CRYBG1: variants seen among roughly 807,000 people sequenced by gnomAD.
CRYBG1 encodes the protein crystallin beta-gamma domain containing 1.
CRYBG1 carries 139 observed loss-of-function variants against 189.2 expected under a neutral mutation model. That is an observed-to-expected ratio of 0.73 (90% confidence interval 0.64 to 0.85). The LOEUF is 0.85. Among genes scored for constraint, CRYBG1 ranks in the 40% least tolerant of loss-of-function variants. The pLI is 0.00. For missense variants in CRYBG1, 2,611 were observed against 2,675.8 expected (o/e 0.98, Z 0.53); for synonymous variants, 1,023 against 1,017.1 (o/e 1.01, Z -0.11).
chr6:106,515,360 G>A (rs958360165), intron 3 of CRYBG1, among the ~76,000 whole-genome samples: 1 of 152,162 alleles, frequency 6.6e-6, no homozygotes, highest in Non-Finnish European at 1.5e-5. Context: ...CAGAAAGTTT[G>A]GTTGTAAAAT....
At chr6:106,455,990 T>C (rs1771880862) in intron 2 of CRYBG1, among the ~76,000 whole-genome samples, 1 of 152,084 alleles carries the variant, frequency 6.6e-6, no homozygotes, top group African/African-American at 2.4e-5. Flanking sequence ...GTCTGAATCT[T>C]AGTTCTTGGT....
chr6:106,431,864 C>T (rs926121141), intron 1 of CRYBG1, among the ~76,000 whole-genome samples: 1 of 152,058 alleles, frequency 6.6e-6, no homozygotes, highest in Non-Finnish European at 1.5e-5. Flanking sequence ...TATGGGCCCA[C>T]TCTAGCTTCA....
intron 2 of CRYBG1, among the ~76,000 whole-genome samples, chr6:106,505,622 G>T (rs558171795): frequency 2.0e-5 from 3 of 151,916 alleles, no homozygotes; most frequent in Non-Finnish European, 4.4e-5. Context: ...AGTCTTTCTT[G>T]CTTCTATTGA....
Position 106,521,083 on chromosome 6 carries a change from C to T in CRYBG1, c.3875C>T (p.Pro1292Leu), listed in dbSNP as rs202235693. ...SVSQPTTEGAPPCGLNKEQSN... is the reference protein window; with the variant it reads ...SVSQPTTEGALPCGLNKEQSN... The stretch of plus-strand genomic sequence containing the variant: ...TCACAGCCCACGACTGAGGGTGCCC[C>T]GCCCTGTGGTTTGAACAAAGAACAG... Residue 1292 changes from proline (P) to leucine (L), a missense_variant, in exon 4 of 22, where the codon CCG becomes CTG. Around this residue, in one of 3 missense-constraint regions of CRYBG1, gnomAD observed 1,622 missense variants for 1,735.0 expected, o/e 0.93. Transcript: ENST00000633556. 17 of 1,614,052 alleles carry T rather than the reference C, an allele frequency of 1.1e-5. No individual in the cohort carries two copies. The highest frequency in any genetic ancestry group is 8.0e-5 in the African/African-American group (6 of 74,926).
intron 2 of CRYBG1, among the ~76,000 whole-genome samples, chr6:106,504,952 A>G (rs1423422872): frequency 1.3e-5 from 2 of 152,170 alleles, no homozygotes; most frequent in East Asian, 3.9e-4. Flanking sequence ...AGTTATTAAA[A>G]AAAAAAAAGA....
intron 2 of CRYBG1, among the ~76,000 whole-genome samples, chr6:106,478,003 G>A (rs968938217): frequency 1.3e-5 from 2 of 152,250 alleles, no homozygotes; most frequent in Non-Finnish European, 2.9e-5. Flanking sequence ...GGAGGGCACG[G>A]CTGTTGTTCT....
chr6:106,560,637 C>T (rs1774690145), intron 18 of CRYBG1, among the ~76,000 whole-genome samples, 166 bp from the exon 19 acceptor site: 1 of 152,264 alleles, frequency 6.6e-6, no homozygotes, highest in Admixed American at 6.5e-5. Context: ...TGCTATTTGT[C>T]AAGAAATTAC....
At chr6:106,446,580 A>T (rs1313935315) in intron 1 of CRYBG1, among the ~76,000 whole-genome samples, 1 of 116,300 alleles carries the variant, frequency 8.6e-6, no homozygotes, top group East Asian at 2.4e-4. Flanking sequence ...AAGAATTATT[A>T]AAAAACTTAT....
chr6:106,467,159 C>T (rs996012284), intron 2 of CRYBG1, among the ~76,000 whole-genome samples: 4 of 152,082 alleles, frequency 2.6e-5, no homozygotes. Context: ...AAATGGTGTT[C>T]CTGGTAACAG....
rs143909846 is a variant in CRYBG1, at chr6:106,368,088, T to C, written c.173+7007T>C. Among the ~76,000 whole-genome samples the C allele has an allele frequency of 9.5e-4, 144 of 152,066 alleles. 1 individual carries two copies. The East Asian group carries it at 0.027, about 28-fold the overall frequency. Reference sequence around the variant, plus strand: ...AATAGTTTCTAATTCCTAATAGTCATTCAAAATACATATCTTACTATGAAC... The same window carrying C: ...AATAGTTTCTAATTCCTAATAGTCACTCAAAATACATATCTTACTATGAAC... On this transcript the variant is annotated intron_variant, in intron 1 of 21. Transcript: ENST00000633556.
intron 8 of CRYBG1, among the ~76,000 whole-genome samples, chr6:106,532,206 A>G (rs566604750): frequency 4.5e-4 from 69 of 152,324 alleles, no homozygotes; most frequent in African/African-American, 1.5e-3. Context: ...TTTGAAATAT[A>G]AAATATATTA....
chr6:106,476,500 C>T (rs1772336825), intron 2 of CRYBG1, among the ~76,000 whole-genome samples: 1 of 152,200 alleles, frequency 6.6e-6, no homozygotes, highest in East Asian at 1.9e-4. Context: ...TTGACTCATA[C>T]TCTTTGGTTA....
At position 106,512,061 on chromosome 6, in the gene CRYBG1, G is replaced by C. The variant is rs783420; in HGVS notation, c.944G>C (p.Gly315Ala). 0.082 allele frequency: 126,448 copies of C among 1,533,502 alleles called. 7,929 individuals carry two copies. Among genetic ancestry groups the C allele is most frequent in the African/African-American group, 0.32 (23,648 of 72,984 alleles). 95.0% of individuals were successfully genotyped at this position (1,533,502 alleles called of 1,614,324 possible). A position where few individuals can be genotyped will look rare whatever the true frequency, so the allele number is the denominator to read the frequency against. ...GGAGGACTAGGCGAGGCCCCTAACG[G>C]AGCCCCCAGTGTGTGTGCCGAAGAA... ...PAGGLGEAPN[G>A]APSVCAEEGS... Residue 315 changes from glycine to alanine, a missense_variant, in exon 3 of 22, where the codon GGA becomes GCA. Physicochemically the swap from Gly to Ala is moderately conservative, Grantham distance 60. Around this residue, in one of 3 missense-constraint regions of CRYBG1, gnomAD observed 985 missense variants for 924.4 expected, o/e 1.07. Coordinates refer to ENST00000633556, the MANE Select transcript of CRYBG1 (RefSeq NM_001371242.2).
intron 2 of CRYBG1, among the ~76,000 whole-genome samples, chr6:106,484,510 G>C (rs1347430962): frequency 6.6e-6 from 1 of 152,070 alleles, no homozygotes; most frequent in Non-Finnish European, 1.5e-5. Context: ...TGTAGAGACA[G>C]GGTCTTGCCA....
chr6:106,444,958 A>AC (rs1771636948), intron 1 of CRYBG1, among the ~76,000 whole-genome samples: 1 of 151,408 alleles, frequency 6.6e-6, no homozygotes, highest in Non-Finnish European at 1.5e-5. Flanking sequence ...ACATAGTGAG[A>AC]CCCCGTCTTT....
intron 1 of CRYBG1, among the ~76,000 whole-genome samples, chr6:106,444,456 G>C (rs529127119): frequency 6.6e-6 from 1 of 152,294 alleles, no homozygotes; most frequent in South Asian, 2.1e-4. Flanking sequence ...CTGGGGATTT[G>C]CACAATTCTC....
chr6:106,362,093 C>T (rs1265864939), intron 1 of CRYBG1, among the ~76,000 whole-genome samples: 1 of 150,338 alleles, frequency 6.7e-6, no homozygotes, highest in African/African-American at 2.5e-5. Context: ...GCCTCAGCCC[C>T]CGAGTAGCTG....
intron 2 of CRYBG1, 41 bp from the exon 3 acceptor site, chr6:106,511,389 A>G (rs1248449823): frequency 6.8e-7 from 1 of 1,469,112 alleles, no homozygotes; most frequent in Non-Finnish European, 9.0e-7. Context: ...GAAAAACACC[A>G]GATTCTCATA....
In CRYBG1 at chr6:106,537,000, C is replaced by A. The variant is rs142949603; in HGVS notation, c.4719-2403C>A. Among the ~76,000 whole-genome samples, 3 of 152,360 alleles carry A rather than the reference C, an allele frequency of 2.0e-5. No individual in the cohort carries two copies. The East Asian group carries it at 5.8e-4, about 29-fold the overall frequency. ...ATAAATGTCTGTTTGAATTACCCAG[C>A]AGGCCTTCAGCACTCATTTACTAAG... On this transcript the variant is annotated intron_variant, in intron 8 of 21. Coordinates refer to ENST00000633556, the MANE Select transcript of CRYBG1 (RefSeq NM_001371242.2).
Sources: gnomAD v4.1 joint callset for allele counts (sites outside exome capture counted in the v4.1 genomes callset) on GRCh38, gnomAD v4.1.1 for gene constraint, gnomAD v4.1.1 regional missense constraint, MANE v1.5 for transcripts, NCBI Gene and HGNC (gene_info 2026-07-23, HGNC 2026-07-21) for gene names.